SEC14L5: variants seen among roughly 807,000 people sequenced by gnomAD.
The protein encoded by SEC14L5 is SEC14-like protein 5.
Under a neutral mutation model 84.6 loss-of-function variants are expected in SEC14L5, and 96 were observed. The ratio of observed to expected loss-of-function variants is 1.13; its 90% CI spans 0.96 to 1.34. The LOEUF (loss-of-function observed/expected upper bound fraction) is 1.34, where lower values mean the gene tolerates loss of function less well. Among genes scored for constraint, SEC14L5 ranks in the 40% most tolerant of loss-of-function variants. The pLI is 0.00. For synonymous variants in SEC14L5, 546 were observed against 383.4 expected (o/e 1.42, Z -4.95); for missense variants, 1,224 against 942.5 (o/e 1.30, Z -3.91).
rs895357695 is a variant in SEC14L5 at position 5,015,643 on chromosome 16, G to A, written c.*673G>A. The A allele has an allele frequency of 1.3e-5, 2 of 152,670 alleles. No individual in the cohort carries two copies. Among genetic ancestry groups the A allele is most frequent in the Non-Finnish European group, 2.9e-5 (2 of 68,362 alleles). 9.5% of individuals were successfully genotyped at this position (152,670 alleles called of 1,614,324 possible). ...AAAGCACTAGTGGGTGCCTCGAGGA[G>A]TACTGGGGTCCCCCCTAAGAAGAAG... is the stretch of plus-strand genomic sequence containing the variant. On this transcript the variant is annotated 3_prime_UTR_variant, in exon 16 of 16. Coordinates refer to ENST00000251170, the MANE Select transcript of SEC14L5 (RefSeq NM_014692.2).
Position 4,996,217 on chromosome 16 carries a change from C to T in SEC14L5, c.668-131C>T, listed in dbSNP as rs777080852. On this transcript the variant is annotated intron_variant, in intron 6 of 15. Coordinates refer to ENST00000251170, the MANE Select transcript of SEC14L5 (RefSeq NM_014692.2). ...AGAGTCCGGTGGCTGCTGTCTGGGGCGGGGGCTTAGCCTGGTTTGGAACCA... is the reference window on the plus strand; with the variant it reads ...AGAGTCCGGTGGCTGCTGTCTGGGGTGGGGGCTTAGCCTGGTTTGGAACCA... 1.7e-4 allele frequency: 103 copies of T among 596,510 alleles called. 1 individual carries two copies. The highest frequency in any genetic ancestry group is 2.8e-4 in the African/African-American group (15 of 53,588). 37.0% of individuals were successfully genotyped at this position (596,510 alleles called of 1,614,324 possible).
intron 10 of SEC14L5, among the ~76,000 whole-genome samples, chr16:5,001,450 A>G (rs1489408056): frequency 1.3e-5 from 2 of 152,042 alleles, no homozygotes; most frequent in South Asian, 2.1e-4. Context: ...TAGTAGAGAC[A>G]GGGTTTCACT....
In SEC14L5 at chr16:4,996,059, C is replaced by T. The variant is rs138044690; in HGVS notation, c.668-289C>T. On this transcript the variant is annotated intron_variant, in intron 6 of 15. Coordinates refer to ENST00000251170, the MANE Select transcript of SEC14L5 (RefSeq NM_014692.2). ...TATTGTTAAGAATCCTTAGAACATC[C>T]CCAGAGGGTGGGAATTATCTTCAAT... Among the ~76,000 whole-genome samples the T allele has an allele frequency of 3.4e-4, 51 of 152,186 alleles. No homozygotes were observed. The East Asian group carries it at 9.1e-3, about 27-fold the overall frequency.
At chr16:4,999,604 A>G (rs1446353502) in intron 8 of SEC14L5, among the ~76,000 whole-genome samples, 2 of 151,916 alleles carry the variant, frequency 1.3e-5, no homozygotes, top group Non-Finnish European at 2.9e-5. Context: ...TGGGTGACAG[A>G]GTGAAACCCT....
rs939689395 is a variant in SEC14L5 at position 5,017,575 on chromosome 16, C to G, written c.*2605C>G. ...AATCTCATGGAAGGCTCTGATTGGC[C>G]CAGCTCGAGTCACATGCTTATTCCT... On this transcript the variant is annotated 3_prime_UTR_variant, in exon 16 of 16. Transcript: ENST00000251170. 1 of 152,234 alleles carries G rather than the reference C, an allele frequency of 6.6e-6. No individual in the cohort carries two copies. The highest frequency in any genetic ancestry group is 1.5e-5 in the Non-Finnish European group (1 of 68,060). The allele number at this position is 152,234 out of a possible 1,614,324, so 9.4% of individuals were successfully genotyped here.
intron 11 of SEC14L5, among the ~76,000 whole-genome samples, chr16:5,004,387 G>A (rs1555531016): frequency 6.6e-6 from 1 of 152,176 alleles, no homozygotes; most frequent in Non-Finnish European, 1.5e-5. Context: ...TTTTGGGAGT[G>A]CGAGCACATC....
intron 6 of SEC14L5, among the ~76,000 whole-genome samples, chr16:4,992,286 T>C (rs140995540): frequency 0.015 from 2,251 of 152,320 alleles, 43 homozygotes; most frequent in African/African-American, 0.051. Flanking sequence ...AGTCCCCCTA[T>C]GTCTCCCAGG....
rs1004796731 is a variant in SEC14L5, at chr16:5,016,025, G to A, written c.*1055G>A. On this transcript the variant is annotated 3_prime_UTR_variant, in exon 16 of 16. Coordinates refer to ENST00000251170, the MANE Select transcript of SEC14L5 (RefSeq NM_014692.2). ...TTGGTTGTAAGCCACAGAGACCCATGCCCAGGTGCTTCAACACAAAAGCAT... is the reference window on the plus strand; with the variant it reads ...TTGGTTGTAAGCCACAGAGACCCATACCCAGGTGCTTCAACACAAAAGCAT... 4 of 152,202 alleles carry A rather than the reference G, an allele frequency of 2.6e-5. No homozygotes were observed. Among genetic ancestry groups the A allele is most frequent in the African/African-American group, 9.7e-5 (4 of 41,424 alleles). The allele number at this position is 152,202 out of a possible 1,614,324, so 9.4% of individuals were successfully genotyped here.
chr16:5,011,114 G>A lies in SEC14L5; in HGVS notation c.1820G>A (p.Trp607Ter), dbSNP rs1482867032. The A allele has an allele frequency of 6.2e-7, 1 of 1,605,692 alleles. No individual in the cohort carries two copies. Among genetic ancestry groups the A allele is most frequent in the East Asian group, 2.3e-5 (1 of 44,390 alleles). ...TTTCAGGGCTCCCATGTGACCCGGT[G>A]GCCCGGCGTCTACCTGCTCCAGTGG... The part of the protein sequence containing the change: ...ESIQGSHVTR[W>*]PGVYLLQWQM... The change falls in exon 15 of 16, where the codon TGG (tryptophan) becomes TAG (stop). Residue 607 changes from tryptophan (W) to a stop codon, truncating the protein, a stop_gained. Coordinates refer to ENST00000251170, the MANE Select transcript of SEC14L5 (RefSeq NM_014692.2). LOFTEE classifies it high-confidence loss of function.
chr16:4,965,419 T>C (rs1284062635), intron 2 of SEC14L5, among the ~76,000 whole-genome samples: 1 of 152,064 alleles, frequency 6.6e-6, no homozygotes, highest in Non-Finnish European at 1.5e-5. Context: ...CCCAGCACTT[T>C]AGGAGGCCGA....
At position 5,011,116 on chromosome 16, in the gene SEC14L5, CCCGGCGTCTA is replaced by C; in HGVS notation, c.1825_1834del (p.Gly609CysfsTer24). The C allele has an allele frequency of 6.2e-7, 1 of 1,605,956 alleles. No individual in the cohort carries two copies. ...TCAGGGCTCCCATGTGACCCGGTGG[CCCGGCGTCTA>C]CCTGCTCCAGTGGCAAATGCACAGC... On this transcript the variant is annotated frameshift_variant, in exon 15 of 16. Transcript: ENST00000251170. LOFTEE classifies it high-confidence loss of function.
At chr16:4,986,286 C>A (rs191895952) in intron 2 of SEC14L5, among the ~76,000 whole-genome samples, 37 of 152,102 alleles carry the variant, frequency 2.4e-4, no homozygotes, top group Middle Eastern at 3.4e-3. Context: ...ATTACAGGCA[C>A]CTGCCACCAC....
intron 4 of SEC14L5, among the ~76,000 whole-genome samples, chr16:4,990,169 AT>A (rs111938764): frequency 0.23 from 35,114 of 149,698 alleles, 4,863 homozygotes; most frequent in Non-Finnish European, 0.29. Flanking sequence ...TTATTTTATT[AT>A]TTTTTTTTTG....
At chr16:4,971,792 G>A (rs937959636) in intron 2 of SEC14L5, among the ~76,000 whole-genome samples, 1 of 152,112 alleles carries the variant, frequency 6.6e-6, no homozygotes, top group African/African-American at 2.4e-5. Context: ...TTATTTCCCT[G>A]GCACCTGGCC....
Position 5,017,814 on chromosome 16 carries a change from C to G in SEC14L5, c.*2844C>G, listed in dbSNP as rs1428654874. 1.3e-5 allele frequency: 2 copies of G among 152,198 alleles called. No individual in the cohort carries two copies. The highest frequency in any genetic ancestry group is 2.9e-5 in the Non-Finnish European group (2 of 68,036). 9.4% of individuals were successfully genotyped at this position (152,198 alleles called of 1,614,324 possible). A position where few individuals can be genotyped will look rare whatever the true frequency, so the allele number is the denominator to read the frequency against. ...GCATTATCAAGGTCATTCTTCTTGC[C>G]TTCGGGAGGACTGGAATTAAAAATA... On this transcript the variant is annotated 3_prime_UTR_variant, in exon 16 of 16. Transcript: ENST00000251170.
At chr16:4,987,499 G>GC (rs1555529514) in intron 2 of SEC14L5, 58 bp from the exon 3 acceptor site, 1 of 1,298,418 alleles carries the variant, frequency 7.7e-7, no homozygotes, top group Non-Finnish European at 1.0e-6. Context: ...GGTCGCGCTG[G>GC]GGGGGGGGGT....
At chr16:4,977,910 C>T (rs140242681) in intron 2 of SEC14L5, among the ~76,000 whole-genome samples, 2,144 of 151,450 alleles carry the variant, frequency 0.014, 75 homozygotes, top group African/African-American at 0.05. Context: ...AAGCAATTCT[C>T]ATGCCTCAGC....
intron 12 of SEC14L5, among the ~76,000 whole-genome samples, chr16:5,006,954 C>T (rs1220698345): frequency 6.6e-6 from 1 of 152,042 alleles, no homozygotes; most frequent in Non-Finnish European, 1.5e-5. Flanking sequence ...GACTGTTCCA[C>T]CCCCGCCTGT....
At chr16:4,964,897 A>C (rs1298975447) in intron 2 of SEC14L5, among the ~76,000 whole-genome samples, 1 of 151,852 alleles carries the variant, frequency 6.6e-6, no homozygotes, top group Non-Finnish European at 1.5e-5. Context: ...CGCCCGGCTA[A>C]TGTTTGTATT....
Sources: allele counts gnomAD v4.1 joint callset (sites outside exome capture counted in the v4.1 genomes callset), GRCh38; gene constraint gnomAD v4.1.1; transcripts MANE v1.5; gene names NCBI Gene and HGNC (gene_info 2026-07-23, HGNC 2026-07-21).